RBFOX1: variants seen among roughly 807,000 people sequenced by gnomAD.
RBFOX1 encodes RNA binding fox-1 homolog 1.
Under a neutral mutation model 57.7 loss-of-function variants are expected in RBFOX1, and 8 were observed. That is an observed-to-expected ratio of 0.14 (90% CI 0.08 to 0.25). The LOEUF (loss-of-function observed/expected upper bound fraction) is 0.25, where lower values mean the gene tolerates loss of function less well. Among genes scored for constraint, RBFOX1 ranks in the 10% least tolerant of loss-of-function variants. The pLI is 1.00. For synonymous variants in RBFOX1, 326 were observed against 222.4 expected, an observed-to-expected ratio of 1.47 and a Z score of -4.15; for missense variants, 611 against 548.5, an observed-to-expected ratio of 1.11 and a Z score of -1.14.
intron 2 of RBFOX1, among the ~76,000 whole-genome samples, chr16:6,377,962 T>C (rs2091382695): frequency 6.6e-6 from 1 of 152,198 alleles, no homozygotes; most frequent in Admixed American, 6.5e-5. Context: ...TCCTGTGTCC[T>C]GTCACCAATC....
chr16:7,690,305 C>T (rs1209861412), intron 14 of RBFOX1, among the ~76,000 whole-genome samples: 2 of 152,078 alleles, frequency 1.3e-5, no homozygotes, highest in Non-Finnish European at 2.9e-5. Context: ...AAACGAAGAA[C>T]GTTAGCACAT....
At chr16:7,518,062 A>G (rs1043965090) in intron 4 of RBFOX1, 85 bp from the exon 5 acceptor site, 3 of 1,503,002 alleles carry the variant, frequency 2.0e-6, no homozygotes, top group South Asian at 1.3e-5. Flanking sequence ...GCGGGGCACG[A>G]TCGTCCTGGG....
At chr16:5,720,371 T>A (rs1727186237) in intron 3 of RBFOX1, among the ~76,000 whole-genome samples, 1 of 152,254 alleles carries the variant, frequency 6.6e-6, no homozygotes, top group African/African-American at 2.4e-5. Flanking sequence ...TTCTACAGGT[T>A]GTGTTTGCCA....
At chr16:5,447,014 T>A (rs117072811) in intron 1 of RBFOX1, among the ~76,000 whole-genome samples, 1,927 of 152,266 alleles carry the variant, frequency 0.013, 28 homozygotes, top group Non-Finnish European at 0.019. Context: ...CCAGCACATT[T>A]CCTGGTATGT....
chr16:6,210,732 AAAAAGAAAAG>A (rs757852570), intron 1 of RBFOX1, among the ~76,000 whole-genome samples: 2 of 152,188 alleles, frequency 1.3e-5, no homozygotes, highest in Non-Finnish European at 2.9e-5. Flanking sequence ...CTCAACAAAA[AAAAAGAAAAG>A]AAAAGAAAAG....
intron 3 of RBFOX1, among the ~76,000 whole-genome samples, chr16:6,692,975 CATT>C (rs1383433798): frequency 1.3e-5 from 2 of 151,768 alleles, no homozygotes; most frequent in South Asian, 2.1e-4. Flanking sequence ...TCACCGGCAT[CATT>C]ATCACCATCG....
chr16:7,507,974 G>A (rs1475680758), intron 4 of RBFOX1, among the ~76,000 whole-genome samples: 1 of 151,026 alleles, frequency 6.6e-6, no homozygotes, highest in Non-Finnish European at 1.5e-5. Context: ...TTAACTCTTT[G>A]TCTATTTAAG....
chr16:6,249,224 A>T (rs2097587557), intron 1 of RBFOX1, among the ~76,000 whole-genome samples: 2 of 152,142 alleles, frequency 1.3e-5, no homozygotes, highest in African/African-American at 4.8e-5. Flanking sequence ...AAGGAAACAG[A>T]AGATGCATAG....
At chr16:6,166,788 T>G (rs143905401) in intron 1 of RBFOX1, among the ~76,000 whole-genome samples, 22 of 152,206 alleles carry the variant, frequency 1.4e-4, no homozygotes, top group East Asian at 7.7e-4. Context: ...GTTTTGTTTT[T>G]TTTGAGATGG....
chr16:6,235,643 T>TAC (rs949023950), intron 1 of RBFOX1, among the ~76,000 whole-genome samples: 1 of 151,872 alleles, frequency 6.6e-6, no homozygotes, highest in African/African-American at 2.4e-5. Flanking sequence ...CATATATATA[T>TAC]ACACATATGT....
chr16:6,209,230 A>G (rs559842029), intron 1 of RBFOX1, among the ~76,000 whole-genome samples: 1 of 152,322 alleles, frequency 6.6e-6, no homozygotes, highest in Non-Finnish European at 1.5e-5. Context: ...CATCTTCACA[A>G]ACAAGCAAAA....
chr16:7,320,236 C>A (rs550753202), intron 4 of RBFOX1, among the ~76,000 whole-genome samples: 2 of 152,150 alleles, frequency 1.3e-5, no homozygotes, highest in African/African-American at 4.8e-5. Context: ...CTTCCCCCAC[C>A]ACCCCCTACA....
chr16:6,901,605 A>G, intron 3 of RBFOX1, among the ~76,000 whole-genome samples: 1 of 152,148 alleles, frequency 6.6e-6, no homozygotes, highest in East Asian at 1.9e-4. Flanking sequence ...GCTGAGGGGG[A>G]AAAATAGACA....
At chr16:7,223,512 G>C (rs1275067904) in intron 4 of RBFOX1, among the ~76,000 whole-genome samples, 2 of 152,272 alleles carry the variant, frequency 1.3e-5, no homozygotes, top group South Asian at 2.1e-4. Context: ...TGCTTTACCT[G>C]TGGAAGTTAC....
At chr16:7,187,284 TA>T (rs1454187842) in intron 4 of RBFOX1, among the ~76,000 whole-genome samples, 1 of 151,610 alleles carries the variant, frequency 6.6e-6, no homozygotes, top group Non-Finnish European at 1.5e-5. Context: ...ATAATTAAAG[TA>T]ATTTTTTCTT....
intron 2 of RBFOX1, among the ~76,000 whole-genome samples, chr16:6,596,476 C>G: frequency 6.6e-6 from 1 of 152,062 alleles, no homozygotes; most frequent in East Asian, 1.9e-4. Context: ...ATTAATTCTC[C>G]TACTAGGGAA....
intron 4 of RBFOX1, among the ~76,000 whole-genome samples, chr16:7,389,616 A>G (rs1032174524): frequency 6.6e-6 from 1 of 152,224 alleles, no homozygotes; most frequent in Non-Finnish European, 1.5e-5. Context: ...CCTAAAAACA[A>G]TAATAAGCAT....
At chr16:7,378,242 G>C (rs1273932639) in intron 4 of RBFOX1, among the ~76,000 whole-genome samples, 3 of 152,182 alleles carry the variant, frequency 2.0e-5, no homozygotes, top group Non-Finnish European at 4.4e-5. Context: ...ACCATCTCCT[G>C]ATCTCGAGCC....
intron 2 of RBFOX1, among the ~76,000 whole-genome samples, chr16:6,524,010 C>G (rs180928863): frequency 3.3e-5 from 5 of 152,100 alleles, no homozygotes; most frequent in Admixed American, 2.0e-4. Flanking sequence ...ATAAATAAAT[C>G]CAATTACACT....
Sources: gnomAD v4.1 joint callset for allele counts (sites outside exome capture counted in the v4.1 genomes callset) on GRCh38, gnomAD v4.1.1 for gene constraint, MANE v1.5 for transcripts, NCBI Gene and HGNC (gene_info 2026-07-23, HGNC 2026-07-21) for gene names.